SCARA3: variants seen among roughly 807,000 people sequenced by gnomAD.
SCARA3 encodes scavenger receptor class A member 3.
SCARA3 carries 39 observed loss-of-function variants against 47.0 expected under a neutral mutation model. That is an observed-to-expected ratio of 0.83 (90% confidence interval 0.64 to 1.08). SCARA3 has a LOEUF of 1.08. SCARA3 is among the 50% of genes least tolerant of loss of function. The pLI, the probability that SCARA3 is intolerant of heterozygous loss-of-function variation, is 0.00. For synonymous variants in SCARA3, 356 were observed against 334.1 expected, an observed-to-expected ratio of 1.07 and a Z score of -0.71; for missense variants, 724 against 792.3, an observed-to-expected ratio of 0.91 and a Z score of 1.04.
intron 3 of SCARA3, among the ~76,000 whole-genome samples, chr8:27,653,064 G>A (rs752110998): frequency 1.3e-5 from 2 of 152,198 alleles, no homozygotes; most frequent in African/African-American, 4.8e-5. Flanking sequence ...AAGGAGCCAC[G>A]GTCTGCCTAT....
intron 1 of SCARA3, among the ~76,000 whole-genome samples, chr8:27,643,239 G>C (rs948245048): frequency 2.6e-5 from 4 of 152,198 alleles, no homozygotes; most frequent in African/African-American, 7.2e-5. Context: ...GATAAAGCAG[G>C]GATTTACCCA....
the SCARA3 span, among the ~76,000 whole-genome samples, chr8:27,713,012 T>G: frequency 2.0e-5 from 3 of 152,224 alleles, no homozygotes; most frequent in South Asian, 2.1e-4. Flanking sequence ...AAGGATATTT[T>G]CCTTCATAGG....
the SCARA3 span, among the ~76,000 whole-genome samples, chr8:27,709,007 T>A: frequency 1.3e-5 from 2 of 152,214 alleles, no homozygotes; most frequent in Non-Finnish European, 2.9e-5. Context: ...CGTCTATGAC[T>A]GTCTTCTGGG....
chr8:27,728,138 C>T, the SCARA3 span, among the ~76,000 whole-genome samples: 13 of 152,222 alleles, frequency 8.5e-5, no homozygotes, highest in African/African-American at 2.4e-4. Context: ...TGGTTTCCCT[C>T]GATCACAGGG....
downstream of SCARA3, chr8:27,679,770 ACTCT>A (rs1323140483): frequency 1.3e-5 from 2 of 152,178 alleles, no homozygotes; most frequent in Non-Finnish European, 2.9e-5. Flanking sequence ...CACAGACAGT[ACTCT>A]CTCTACATGG....
the SCARA3 span, among the ~76,000 whole-genome samples, chr8:27,687,731 A>T: frequency 6.6e-6 from 1 of 152,156 alleles, no homozygotes; most frequent in East Asian, 1.9e-4. Flanking sequence ...AAAAAAAAAA[A>T]GCAGGCCAGG....
At chr8:27,724,108 C>T in the SCARA3 span, among the ~76,000 whole-genome samples, 1 of 152,206 alleles carries the variant, frequency 6.6e-6, no homozygotes, top group African/African-American at 2.4e-5. Flanking sequence ...GACTTGCCAT[C>T]AATCACAGGC....
chr8:27,720,274 G>A, the SCARA3 span, among the ~76,000 whole-genome samples: 6 of 145,562 alleles, frequency 4.1e-5, no homozygotes, highest in Non-Finnish European at 7.6e-5. Context: ...CCCAAGATCA[G>A]GTGGATCCTG....
chr8:27,684,932 G>A, the SCARA3 span, among the ~76,000 whole-genome samples: 28 of 151,954 alleles, frequency 1.8e-4, no homozygotes, highest in African/African-American at 6.5e-4. Context: ...TAAAAAAAAA[G>A]TTTAAAGAAG....
At chr8:27,699,822 A>G in the SCARA3 span, among the ~76,000 whole-genome samples, 3 of 152,216 alleles carry the variant, frequency 2.0e-5, no homozygotes, top group Admixed American at 1.3e-4. Flanking sequence ...CTAAAGCAGC[A>G]GTAATTAAGA....
chr8:27,677,510 C>T (rs530294842), downstream of SCARA3, among the ~76,000 whole-genome samples: 15 of 152,300 alleles, frequency 9.8e-5, no homozygotes, highest in East Asian at 2.1e-3. Flanking sequence ...TAAACAACAC[C>T]ATGCATTCAG....
At chr8:27,693,087 T>G in the SCARA3 span, among the ~76,000 whole-genome samples, 5 of 145,958 alleles carry the variant, frequency 3.4e-5, no homozygotes, top group Non-Finnish European at 5.9e-5. Flanking sequence ...ATCATGCCAC[T>G]GCACTCCAGC....
chr8:27,651,960 C>A (rs1200223639), intron 3 of SCARA3, among the ~76,000 whole-genome samples: 2 of 152,228 alleles, frequency 1.3e-5, no homozygotes, highest in African/African-American at 2.4e-5. Flanking sequence ...AGGCCCCACC[C>A]CGATCGTGGA....
chr8:27,715,824 T>TGATAGATAGATA, the SCARA3 span, among the ~76,000 whole-genome samples: 2,538 of 118,928 alleles, frequency 0.021, 29 homozygotes, highest in Middle Eastern at 0.026. The surrounding 1 kb of genome is among the most constrained non-coding windows in gnomAD (Gnocchi z 4.2). Context: ...GATAGATAGA[T>TGATAGATAGATA]GATAGATAGA....
At chr8:27,691,993 C>T in the SCARA3 span, among the ~76,000 whole-genome samples, 1 of 152,090 alleles carries the variant, frequency 6.6e-6, no homozygotes, top group East Asian at 1.9e-4. Flanking sequence ...TGGACCCCTC[C>T]TCTCAGCCAA....
chr8:27,681,148 T>C (rs1376929431), downstream of SCARA3, among the ~76,000 whole-genome samples: 1 of 151,964 alleles, frequency 6.6e-6, no homozygotes, highest in African/African-American at 2.4e-5. Context: ...TCCTGTGAAA[T>C]AAGACAAGTA....
the SCARA3 span, among the ~76,000 whole-genome samples, chr8:27,688,566 C>A: frequency 6.6e-6 from 1 of 151,918 alleles, no homozygotes; most frequent in Non-Finnish European, 1.5e-5. Context: ...CATGGTGGCA[C>A]GTGCCTATAG....
the SCARA3 span, among the ~76,000 whole-genome samples, chr8:27,698,728 A>G: frequency 6.6e-6 from 1 of 152,212 alleles, no homozygotes; most frequent in Non-Finnish European, 1.5e-5. Flanking sequence ...GCAAAAAATA[A>G]GAAAATTAAA....
At chr8:27,686,426 AGAGT>A in the SCARA3 span, among the ~76,000 whole-genome samples, 1 of 151,972 alleles carries the variant, frequency 6.6e-6, no homozygotes, top group African/African-American at 2.4e-5. Context: ...CCTCAGCAAC[AGAGT>A]GAGACTCTGT....
Sources: allele counts gnomAD v4.1 joint callset (sites outside exome capture counted in the v4.1 genomes callset), GRCh38; gene constraint gnomAD v4.1.1; non-coding constraint Gnocchi (gnomAD v3.1); transcripts MANE v1.5; gene names NCBI Gene and HGNC (gene_info 2026-07-23, HGNC 2026-07-21).